The following ADAM2 variants were observed in gnomAD, a reference collection of about 807,000 sequenced individuals.
ADAM2 encodes ADAM metallopeptidase domain 2.
ADAM2 carries 101 observed loss-of-function variants against 99.3 expected under a neutral mutation model. The ratio of observed to expected loss-of-function variants is 1.02; its 90% CI spans 0.87 to 1.20. The LOEUF (loss-of-function observed/expected upper bound fraction) is 1.20, where lower values mean the gene tolerates loss of function less well. Among genes scored for constraint, ADAM2 ranks in the 50% most tolerant of loss-of-function variants. The pLI, the probability that ADAM2 is intolerant of heterozygous loss-of-function variation, is 0.00. For synonymous variants in ADAM2, 323 were observed against 287.6 expected, an observed-to-expected ratio of 1.12 and a Z score of -1.25; for missense variants, 948 against 878.7, an observed-to-expected ratio of 1.08 and a Z score of -1.00.
In ADAM2 at chr8:39,809,410, C is replaced by T. The variant is rs767089649; in HGVS notation, c.570G>A (p.Leu190=). The T allele has an allele frequency of 1.9e-5, 23 of 1,192,884 alleles. No individual in the cohort carries two copies. The highest frequency in any genetic ancestry group is 2.5e-5 in the Non-Finnish European group (20 of 812,520). The allele number at this position is 1,192,884 out of a possible 1,614,324, so 73.9% of individuals were successfully genotyped here. A position where few individuals can be genotyped will look rare whatever the true frequency, so the allele number is the denominator to read the frequency against. ...IEMHVIVEKQ[L]YNHMGSDTTV... Reference sequence around the variant, plus strand: ...CATAAATAAATCAGAATATACTTACCAATTGTTTTTCAACTATAACATGCA... The same window carrying T: ...CATAAATAAATCAGAATATACTTACTAATTGTTTTTCAACTATAACATGCA... Residue 190 remains leucine, a splice_region_variant and synonymous_variant, in exon 7 of 21, where the codon TTG becomes TTA. Transcript: ENST00000265708.
In ADAM2 at chr8:39,744,003, A is replaced by G. The variant is rs1169694168; in HGVS notation, c.*92T>C. The G allele has an allele frequency of 6.6e-6, 1 of 152,114 alleles. No homozygotes were observed. Among genetic ancestry groups the G allele is most frequent in the African/African-American group, 2.4e-5 (1 of 41,444 alleles). 9.4% of individuals were successfully genotyped at this position (152,114 alleles called of 1,614,324 possible). A position where few individuals can be genotyped will look rare whatever the true frequency, so the allele number is the denominator to read the frequency against. Reference sequence around the variant, plus strand: ...GGTTTGAATCCCAGGAAACCAGGTAATGTACATTCTTTTCTTTCCATTTTT... The same window carrying G: ...GGTTTGAATCCCAGGAAACCAGGTAGTGTACATTCTTTTCTTTCCATTTTT... On this transcript the variant is annotated 3_prime_UTR_variant, in exon 21 of 21. Coordinates refer to ENST00000265708, the MANE Select transcript of ADAM2 (RefSeq NM_001464.5).
At chr8:39,835,259 C>T (rs1008283597) in intron 2 of ADAM2, among the ~76,000 whole-genome samples, 1 of 152,180 alleles carries the variant, frequency 6.6e-6, no homozygotes, top group African/African-American at 2.4e-5. Context: ...TAATTCTGTC[C>T]TTTTCTCTTA....
chr8:39,751,268 C>A (rs1801932600), intron 16 of ADAM2, among the ~76,000 whole-genome samples: 1 of 152,162 alleles, frequency 6.6e-6, no homozygotes, highest in Non-Finnish European at 1.5e-5. Flanking sequence ...TCTATCTATT[C>A]TGTTAGCATG....
intron 7 of ADAM2, among the ~76,000 whole-genome samples, chr8:39,794,391 C>T (rs1187312115): frequency 1.3e-5 from 2 of 152,094 alleles, no homozygotes; most frequent in Admixed American, 1.3e-4. Context: ...TGGATAACTT[C>T]AGTGCATGAA....
chr8:39,821,426 C>G (rs1481220834), intron 5 of ADAM2, among the ~76,000 whole-genome samples, 160 bp downstream of exon 5: 2 of 152,126 alleles, frequency 1.3e-5, no homozygotes, highest in East Asian at 3.8e-4. Flanking sequence ...TGCATAAGGG[C>G]AGGAGCCATC....
chr8:39,792,231 A>C (rs183814346), intron 7 of ADAM2, among the ~76,000 whole-genome samples: 2 of 148,796 alleles, frequency 1.3e-5, no homozygotes, highest in Non-Finnish European at 3.0e-5. Flanking sequence ...AAATATTTAC[A>C]AAAAAAAATG....
intron 4 of ADAM2, among the ~76,000 whole-genome samples, chr8:39,823,253 T>A (rs1246920808): frequency 6.6e-6 from 1 of 152,168 alleles, no homozygotes; most frequent in Admixed American, 6.5e-5. Context: ...GCTGGCTGAT[T>A]TTTTTTCTTT....
chr8:39,790,148 T>C (rs1024495683), intron 7 of ADAM2, among the ~76,000 whole-genome samples: 1 of 151,878 alleles, frequency 6.6e-6, no homozygotes, highest in Non-Finnish European at 1.5e-5. Context: ...AAAGGAGTTA[T>C]CTTATAATCC....
intron 7 of ADAM2, among the ~76,000 whole-genome samples, chr8:39,797,786 T>C (rs773922814): frequency 6.6e-5 from 10 of 152,226 alleles, no homozygotes; most frequent in Non-Finnish European, 1.0e-4. Context: ...CCTAGGTATT[T>C]TATTTTCTTT....
At chr8:39,768,878 T>C (rs1395888901) in intron 12 of ADAM2, among the ~76,000 whole-genome samples, 1 of 152,150 alleles carries the variant, frequency 6.6e-6, no homozygotes, top group African/African-American at 2.4e-5. Flanking sequence ...GCAAGATGAA[T>C]ACGTTCTAGA....
intron 6 of ADAM2, among the ~76,000 whole-genome samples, chr8:39,812,841 T>C (rs554598649): frequency 4.6e-5 from 7 of 152,194 alleles, no homozygotes; most frequent in Non-Finnish European, 7.4e-5. Flanking sequence ...GGCAATACCA[T>C]TCAGGACATA....
Position 39,747,971 on chromosome 8 carries a change from T to C in ADAM2, c.2015-1340A>G, listed in dbSNP as rs182772438. Among the ~76,000 whole-genome samples, 18 of 152,296 alleles carry C rather than the reference T, an allele frequency of 1.2e-4. No homozygotes were observed. In the East Asian group the frequency reaches 2.5e-3, roughly 21 times the overall value. Reference sequence around the variant, plus strand: ...TTTTATATTTCTATTACACAACATATTGGGAGCTAAATGTTTTTTATTATT... The same window carrying C: ...TTTTATATTTCTATTACACAACATACTGGGAGCTAAATGTTTTTTATTATT... On this transcript the variant is annotated intron_variant, in intron 18 of 20. Transcript: ENST00000265708.
At chr8:39,812,243 G>A (rs1221836794) in intron 6 of ADAM2, among the ~76,000 whole-genome samples, 1 of 151,986 alleles carries the variant, frequency 6.6e-6, no homozygotes, top group Non-Finnish European at 1.5e-5. Context: ...TCTTCAAGGA[G>A]AACTACAAAC....
chr8:39,751,231 A>G (rs1381684722), intron 16 of ADAM2, among the ~76,000 whole-genome samples: 1 of 152,200 alleles, frequency 6.6e-6, no homozygotes, highest in African/African-American at 2.4e-5. Flanking sequence ...GATACTGGAT[A>G]CAGATTAGTG....
intron 16 of ADAM2, among the ~76,000 whole-genome samples, chr8:39,750,029 G>T (rs1823662659): frequency 6.6e-6 from 1 of 151,948 alleles, no homozygotes; most frequent in Non-Finnish European, 1.5e-5. Flanking sequence ...ACACAAATAA[G>T]TACGTAATAA....
chr8:39,822,821 T>A (rs1354192891), intron 4 of ADAM2, among the ~76,000 whole-genome samples: 2 of 152,128 alleles, frequency 1.3e-5, no homozygotes, highest in Non-Finnish European at 2.9e-5. Flanking sequence ...CAGGCTGGTG[T>A]GCAGTGGCGT....
At chr8:39,831,254 A>G (rs1040854406) in intron 3 of ADAM2, among the ~76,000 whole-genome samples, 1 of 78,972 alleles carries the variant, frequency 1.3e-5, no homozygotes, top group African/African-American at 4.7e-5. Context: ...TGAAAACTCT[A>G]AACTATATCT....
At chr8:39,818,557 A>G (rs1051093546) in intron 6 of ADAM2, among the ~76,000 whole-genome samples, 5 of 152,042 alleles carry the variant, frequency 3.3e-5, no homozygotes, top group African/African-American at 1.2e-4. Flanking sequence ...ATTCAACATT[A>G]TAATGGAAGT....
intron 7 of ADAM2, among the ~76,000 whole-genome samples, chr8:39,803,771 C>G (rs761767493): frequency 4.6e-5 from 7 of 152,102 alleles, no homozygotes; most frequent in Non-Finnish European, 1.5e-5. Context: ...TAGTAAATAC[C>G]GATGACCCTT....
Sources: allele counts gnomAD v4.1 joint callset (sites outside exome capture counted in the v4.1 genomes callset), GRCh38; gene constraint gnomAD v4.1.1; transcripts MANE v1.5; gene names NCBI Gene and HGNC (gene_info 2026-07-23, HGNC 2026-07-21).